AKAP13: variants seen among roughly 807,000 people sequenced by gnomAD.
AKAP13 encodes the protein A-kinase anchor protein 13.
AKAP13 carries 80 observed loss-of-function variants against 264.5 expected under a neutral mutation model. That is an observed-to-expected ratio of 0.30 (90% confidence interval 0.25 to 0.36). AKAP13 has a LOEUF of 0.36. Among genes scored for constraint, AKAP13 ranks in the 10% least tolerant of loss-of-function variants. The pLI, the probability that AKAP13 is intolerant of heterozygous loss-of-function variation, is 1.00. For missense variants in AKAP13, 3,712 were observed against 3,435.2 expected (o/e 1.08, Z -2.01); for synonymous variants, 1,380 against 1,250.2 (o/e 1.10, Z -2.19).
intron 8 of AKAP13, among the ~76,000 whole-genome samples, chr15:85,603,142 TAAGTA>T (rs1250940204): frequency 6.6e-6 from 1 of 152,270 alleles, no homozygotes; most frequent in Admixed American, 6.5e-5. Context: ...GTCATTCTTT[TAAGTA>T]AAGTGTTGTT....
At chr15:85,668,835 C>G (rs1188755090) in intron 13 of AKAP13, among the ~76,000 whole-genome samples, 6 of 152,242 alleles carry the variant, frequency 3.9e-5, no homozygotes, top group Middle Eastern at 3.4e-3. Context: ...CCCAGCTACT[C>G]AGGAGGCTGA....
intron 8 of AKAP13, among the ~76,000 whole-genome samples, chr15:85,590,835 G>A (rs1400753617): frequency 6.6e-6 from 1 of 151,976 alleles, no homozygotes; most frequent in Non-Finnish European, 1.5e-5. Flanking sequence ...TTTTTCCTTA[G>A]TGAGTTAATA....
chr15:85,495,114 C>A (rs1179411194), intron 2 of AKAP13, among the ~76,000 whole-genome samples: 1 of 152,140 alleles, frequency 6.6e-6, no homozygotes, highest in African/African-American at 2.4e-5. Context: ...AGTATATGCT[C>A]AGCTATTTCA....
chr15:85,630,207 A>G (rs1248855086), intron 8 of AKAP13, among the ~76,000 whole-genome samples: 1 of 33,274 alleles, frequency 3.0e-5, no homozygotes, highest in Non-Finnish European at 5.9e-5. Flanking sequence ...ACACACACAC[A>G]CATCATGAAC....
At chr15:85,734,532 ACC>A (rs1404400534) in intron 30 of AKAP13, among the ~76,000 whole-genome samples, 1 of 152,012 alleles carries the variant, frequency 6.6e-6, no homozygotes, top group Non-Finnish European at 1.5e-5. Context: ...TGTGAGCCAT[ACC>A]CTAGAAAAGA....
At chr15:85,401,909 A>G (rs2071435902) in intron 1 of AKAP13, among the ~76,000 whole-genome samples, 1 of 152,242 alleles carries the variant, frequency 6.6e-6, no homozygotes, top group Admixed American at 6.5e-5. Flanking sequence ...AGGAAGATGG[A>G]AACTCACTGA....
intron 1 of AKAP13, among the ~76,000 whole-genome samples, chr15:85,475,576 C>G (rs972491990): frequency 6.6e-6 from 1 of 152,184 alleles, no homozygotes; most frequent in African/African-American, 2.4e-5. Context: ...TTGTCCTCCC[C>G]TTCACTTTGA....
intron 1 of AKAP13, among the ~76,000 whole-genome samples, chr15:85,438,945 A>C (rs2073474105): frequency 1.4e-5 from 2 of 145,262 alleles, no homozygotes; most frequent in African/African-American, 5.1e-5. Context: ...AAGCAATGGC[A>C]ACAAAAGCCA....
intron 6 of AKAP13, among the ~76,000 whole-genome samples, chr15:85,578,111 C>T (rs1377086585): frequency 3.3e-5 from 5 of 152,184 alleles, no homozygotes; most frequent in East Asian, 1.9e-4. Flanking sequence ...AGTGAGACCC[C>T]GTCTCTACAA....
intron 12 of AKAP13, among the ~76,000 whole-genome samples, chr15:85,661,535 A>G (rs904157873): frequency 3.9e-5 from 6 of 152,062 alleles, no homozygotes; most frequent in Non-Finnish European, 8.8e-5. Context: ...CCTGACCAAC[A>G]TGGTGAAAGC....
At chr15:85,590,413 GCTAT>G (rs1266965825) in intron 8 of AKAP13, among the ~76,000 whole-genome samples, 30 of 152,170 alleles carry the variant, frequency 2.0e-4, no homozygotes, top group Admixed American at 2.0e-3. Context: ...CCTTTAGTCT[GCTAT>G]CTGTCATACA....
At chr15:85,676,002 C>G (rs933155446) in intron 14 of AKAP13, among the ~76,000 whole-genome samples, 2 of 152,016 alleles carry the variant, frequency 1.3e-5, no homozygotes, top group African/African-American at 4.8e-5. Context: ...ACCTCTGCCT[C>G]CCGGGTTCAA....
intron 1 of AKAP13, chr15:85,415,657 A>T: frequency 7.6e-7 from 1 of 1,312,064 alleles, no homozygotes; most frequent in Non-Finnish European, 1.1e-6. Context: ...CACTTTGGAC[A>T]GGAGTTAACT....
intron 16 of AKAP13, among the ~76,000 whole-genome samples, chr15:85,692,526 GGTA>G (rs1027875220): frequency 3.3e-5 from 5 of 150,906 alleles, no homozygotes; most frequent in African/African-American, 9.7e-5. Context: ...TGGCAGTAGT[GGTA>G]GTAGTGGTAG....
chr15:85,576,139 G>A (rs2079004170), intron 6 of AKAP13, among the ~76,000 whole-genome samples: 1 of 152,122 alleles, frequency 6.6e-6, no homozygotes, highest in Non-Finnish European at 1.5e-5. Flanking sequence ...TGGGAATAAT[G>A]GAAGACACAC....
At chr15:85,442,437 T>TATAA (rs2073702915) in intron 1 of AKAP13, among the ~76,000 whole-genome samples, 2 of 123,014 alleles carry the variant, frequency 1.6e-5, no homozygotes, top group South Asian at 2.3e-4. Flanking sequence ...TATATATATA[T>TATAA]AATATAAAAT....
At chr15:85,390,118 T>C (rs2070781465) in intron 1 of AKAP13, among the ~76,000 whole-genome samples, 1 of 152,258 alleles carries the variant, frequency 6.6e-6, no homozygotes, top group Non-Finnish European at 1.5e-5. Context: ...TTTGTTAATT[T>C]TTTCAAGTAT....
chr15:85,462,946 C>T (rs1427355688), intron 1 of AKAP13, among the ~76,000 whole-genome samples: 3 of 139,728 alleles, frequency 2.1e-5, no homozygotes, highest in Admixed American at 7.9e-5. Context: ...ATGGCGTGAA[C>T]CCGGGAGGCG....
chr15:85,533,804 G>C lies in AKAP13; in HGVS notation c.402G>C (p.Lys134Asn). 6.2e-7 allele frequency: 1 copy of C among 1,613,928 alleles called. No homozygotes were observed. Among genetic ancestry groups the C allele is most frequent in the Non-Finnish European group, 8.5e-7 (1 of 1,179,870 alleles). Residue 134 changes from lysine to asparagine, a missense_variant, in exon 4 of 37, where the codon AAG (lysine) becomes AAC (asparagine). Transcript: ENST00000394518. ...PPSGDVNSLD[K>N]KLVLAFRHLK... ...CTGGGGATGTGAATTCCCTTGATAA[G>C]AAGTTGGTGCTGGCATTCAGGCACC...
Sources: allele counts gnomAD v4.1 joint callset (sites outside exome capture counted in the v4.1 genomes callset), GRCh38; gene constraint gnomAD v4.1.1; transcripts MANE v1.5; gene names NCBI Gene and HGNC (gene_info 2026-07-23, HGNC 2026-07-21).